The following NEK1 variants were observed in gnomAD, a reference collection of about 807,000 sequenced individuals.
NEK1 encodes the protein NIMA related kinase 1, also known as serine/threonine-protein kinase Nek1.
NEK1 carries 137 observed loss-of-function variants against 182.1 expected under a neutral mutation model. The observed-to-expected ratio is 0.75, with a 90% CI of 0.65 to 0.87. The LOEUF is 0.87. NEK1 is among the 40% of genes least tolerant of loss of function. The pLI is 0.00. For missense variants in NEK1, 1,391 were observed against 1,494.4 expected (o/e 0.93, Z 1.14); for synonymous variants, 513 against 492.2 (o/e 1.04, Z -0.56).
chr4:169,515,191 A>C (rs1754953217), intron 19 of NEK1, among the ~76,000 whole-genome samples: 1 of 152,010 alleles, frequency 6.6e-6, no homozygotes, highest in Non-Finnish European at 1.5e-5. Flanking sequence ...ATATTTGTAA[A>C]GGTTTTATAA....
intron 27 of NEK1, among the ~76,000 whole-genome samples, chr4:169,453,061 A>C (rs1457779203): frequency 1.3e-5 from 2 of 152,232 alleles, no homozygotes; most frequent in Non-Finnish European, 2.9e-5. Flanking sequence ...TCCCATTCAC[A>C]ATAGCTACAA....
At chr4:169,571,640 T>G (rs1006154256) in intron 12 of NEK1, among the ~76,000 whole-genome samples, 6 of 152,168 alleles carry the variant, frequency 3.9e-5, no homozygotes, top group African/African-American at 1.2e-4. Context: ...TTGGCAAGGC[T>G]GTACCGGGAC....
Position 169,406,589 on chromosome 4 carries a change from T to C in NEK1, c.3374+7A>G, listed in dbSNP as rs1732661689. On this transcript the variant is annotated splice_region_variant and intron_variant, in intron 32 of 35. Coordinates refer to ENST00000507142, the MANE Select transcript of NEK1 (RefSeq NM_001199397.3). The stretch of plus-strand genomic sequence containing the variant: ...TTAATGCTGTTTACTAATGACATTA[T>C]ACTTACATGTCTTCAGAATCAGAAG... 7 of 1,578,464 alleles carry C rather than the reference T, an allele frequency of 4.4e-6. No homozygotes were observed. In the South Asian group the frequency reaches 4.8e-5, roughly 11 times the overall value.
intron 18 of NEK1, among the ~76,000 whole-genome samples, chr4:169,541,906 G>A (rs1050720807): frequency 2.0e-5 from 3 of 152,182 alleles, no homozygotes; most frequent in South Asian, 2.1e-4. Context: ...ATATCTGACC[G>A]AAATGTGTCT....
intron 5 of NEK1, among the ~76,000 whole-genome samples, 188 bp from the exon 6 acceptor site, chr4:169,590,997 G>T (rs1393748733): frequency 6.6e-6 from 1 of 152,158 alleles, no homozygotes; most frequent in Non-Finnish European, 1.5e-5. Context: ...AATCCAAAAT[G>T]TAAGAGATGT....
At chr4:169,498,670 G>C (rs888789175) in intron 23 of NEK1, among the ~76,000 whole-genome samples, 1 of 152,070 alleles carries the variant, frequency 6.6e-6, no homozygotes, top group South Asian at 2.1e-4. Flanking sequence ...ATGAAGCTTA[G>C]TTTGGCTGGA....
At chr4:169,424,118 C>T (rs977129430) in intron 31 of NEK1, among the ~76,000 whole-genome samples, 1 of 151,910 alleles carries the variant, frequency 6.6e-6, no homozygotes, top group African/African-American at 2.4e-5. Context: ...TCAAAAATAG[C>T]AAGTGAGAAA....
Position 169,602,534 on chromosome 4 carries a change from T to G in NEK1, c.97A>C (p.Lys33Gln). ...STEDGRQYVI[K>Q]EINISRMSSK... ...CTTACTCTTGAGATGTTAATTTCCTTGATAACATACTGTCTGCCATCTTCT... is the reference window on the plus strand; with the variant it reads ...CTTACTCTTGAGATGTTAATTTCCTGGATAACATACTGTCTGCCATCTTCT... Residue 33 changes from lysine to glutamine, a missense_variant, in exon 3 of 36, where the codon AAG becomes CAG. Physicochemically the swap from Lys to Gln is moderately conservative, Grantham distance 53 (BLOSUM62 1). Around this residue, in one of 5 missense-constraint regions of NEK1, gnomAD observed 42 missense variants for 47.9 expected, o/e 0.88. Coordinates refer to ENST00000507142, the MANE Select transcript of NEK1 (RefSeq NM_001199397.3). 6.3e-7 allele frequency: 1 copy of G among 1,589,864 alleles called. No individual in the cohort carries two copies. Among genetic ancestry groups the G allele is most frequent in the East Asian group, 2.2e-5 (1 of 44,532 alleles).
At chr4:169,597,728 ATGGAGACCACCCTGGCTAACACGG>A (rs1478301166) in intron 5 of NEK1, among the ~76,000 whole-genome samples, 4 of 151,962 alleles carry the variant, frequency 2.6e-5, no homozygotes, top group Non-Finnish European at 4.4e-5. Context: ...AGGTCAGGAG[ATGGAGACCACCCTGGCTAACACGG>A]TGAAACCCCA....
intron 23 of NEK1, among the ~76,000 whole-genome samples, chr4:169,506,241 C>G (rs886210822): frequency 6.6e-6 from 1 of 151,922 alleles, no homozygotes; most frequent in Non-Finnish European, 1.5e-5. Flanking sequence ...ACTAATACAA[C>G]GAGGTACTGG....
chr4:169,579,836 G>A (rs142993964), intron 11 of NEK1, among the ~76,000 whole-genome samples: 348 of 150,366 alleles, frequency 2.3e-3, no homozygotes, highest in Non-Finnish European at 3.0e-3. Context: ...TCCTGAGAAC[G>A]CACTGTCATA....
intron 27 of NEK1, among the ~76,000 whole-genome samples, chr4:169,446,515 A>G (rs976215495): frequency 6.6e-6 from 1 of 152,190 alleles, no homozygotes; most frequent in African/African-American, 2.4e-5. Context: ...ATGAACACCC[A>G]TAACATCAAG....
At chr4:169,561,447 G>A (rs1561416179) in intron 16 of NEK1, 33 bp downstream of exon 16, 1 of 1,573,806 alleles carries the variant, frequency 6.4e-7, no homozygotes. Flanking sequence ...AGGGGAAAAT[G>A]GTAGTATAAC....
chr4:169,467,028 C>G (rs1330564340), intron 26 of NEK1, among the ~76,000 whole-genome samples: 1 of 152,074 alleles, frequency 6.6e-6, no homozygotes, highest in Non-Finnish European at 1.5e-5. Context: ...TCAGCCTACT[C>G]AATGTGAAGA....
At chr4:169,555,605 A>G in intron 18 of NEK1, 115 bp downstream of exon 18, 1 of 1,426,136 alleles carries the variant, frequency 7.0e-7, no homozygotes, top group East Asian at 2.3e-5. Flanking sequence ...CAAGAGGCAA[A>G]AAACATCATA....
intron 35 of NEK1, among the ~76,000 whole-genome samples, chr4:169,398,503 T>A (rs1299215516): frequency 1.3e-5 from 2 of 152,228 alleles, no homozygotes; most frequent in Non-Finnish European, 2.9e-5. Context: ...AAATGTTTTG[T>A]CTCATGAATA....
At position 169,476,004 on chromosome 4, in the gene NEK1, G is replaced by A. The variant is rs538865779; in HGVS notation, c.2434+1120C>T. Reference sequence around the variant, plus strand: ...TCCCTAAAGGACAGAAGAAGGAGGAGGCATGGAAAAAATATTAGAAGAAAT... The same window carrying A: ...TCCCTAAAGGACAGAAGAAGGAGGAAGCATGGAAAAAATATTAGAAGAAAT... On this transcript the variant is annotated intron_variant, in intron 26 of 35. Transcript: ENST00000507142. Among the ~76,000 whole-genome samples, 6 of 152,110 alleles carry A rather than the reference G, an allele frequency of 3.9e-5. No homozygotes were observed. The South Asian group carries it at 1.2e-3, about 32-fold the overall frequency.
intron 2 of NEK1, among the ~76,000 whole-genome samples, chr4:169,611,541 C>T (rs564812882): frequency 6.6e-6 from 1 of 152,126 alleles, no homozygotes; most frequent in Non-Finnish European, 1.5e-5. Flanking sequence ...ATTTCTGCTT[C>T]CTAAAGCAGA....
chr4:169,544,260 G>A (rs954273600), intron 18 of NEK1, among the ~76,000 whole-genome samples: 6 of 152,140 alleles, frequency 3.9e-5, no homozygotes, highest in Admixed American at 6.5e-5. Context: ...TTTATGTGAC[G>A]GATCATGTTT....
Sources: allele counts gnomAD v4.1 joint callset (sites outside exome capture counted in the v4.1 genomes callset), GRCh38; gene constraint gnomAD v4.1.1; regional missense constraint gnomAD v4.1.1; transcripts MANE v1.5; gene names NCBI Gene and HGNC (gene_info 2026-07-23, HGNC 2026-07-21).